Variants in SLC6A13 observed in about 807,000 individuals in gnomAD.
SLC6A13 encodes sodium- and chloride-dependent GABA transporter 2.
SLC6A13 carries 69 observed loss-of-function variants against 72.9 expected under a neutral mutation model. The observed-to-expected ratio is 0.95, with a 90% CI of 0.78 to 1.16. The LOEUF is 1.16. SLC6A13 is among the 50% of genes most tolerant of loss of function. The probability of loss-of-function intolerance (pLI) is 0.00; values close to 1 mark genes in which losing one functional copy is unlikely to be tolerated. For missense variants in SLC6A13, 735 were observed against 760.5 expected (o/e 0.97, Z 0.39); for synonymous variants, 303 against 303.0 (o/e 1.00, Z 0.00).
chr12:238,068 C>T, intron 4 of SLC6A13, 58 bp from the exon 5 acceptor site: 1 of 1,587,860 alleles, frequency 6.3e-7, no homozygotes, highest in East Asian at 2.2e-5. Flanking sequence ...GCCTATGACA[C>T]AACTGGAGAG....
intron 6 of SLC6A13, among the ~76,000 whole-genome samples, chr12:235,670 T>G (rs1203336786): frequency 1.3e-5 from 2 of 152,034 alleles, no homozygotes; most frequent in Admixed American, 1.3e-4. Context: ...TACTAGCGAT[T>G]TTTAGGGAAC....
intron 13 of SLC6A13, 68 bp downstream of exon 13, chr12:222,463 GC>G (rs1298933396): frequency 2.5e-5 from 23 of 920,558 alleles, no homozygotes; most frequent in Non-Finnish European, 3.2e-5. Context: ...AGGGCTAACG[GC>G]TTCTCTACCC....
At chr12:224,944 A>T (rs1941379038) in intron 9 of SLC6A13, among the ~76,000 whole-genome samples, 1 of 152,190 alleles carries the variant, frequency 6.6e-6, no homozygotes, top group Non-Finnish European at 1.5e-5. Context: ...GCTCCTCGCG[A>T]TGTTCCGTTG....
intron 3 of SLC6A13, 47 bp from the exon 4 acceptor site, chr12:242,801 G>A (rs1267475159): frequency 6.5e-7 from 1 of 1,540,424 alleles, no homozygotes; most frequent in Non-Finnish European, 8.8e-7. Context: ...GACAGCGGTG[G>A]CGTGCACCTG....
rs185851494 is a variant in SLC6A13, at chr12:261,697, G to A, written c.-6+1092C>T. Among the ~76,000 whole-genome samples the A allele has an allele frequency of 1.4e-4, 22 of 152,296 alleles. 1 individual carries two copies. In the East Asian group the frequency reaches 3.7e-3, roughly 25 times the overall value. On this transcript the variant is annotated intron_variant, in intron 1 of 14. Transcript: ENST00000343164. ...ATCCCAGCACTTGGGAGGCCGAGGC[G>A]GGTGGATCTCCTGAGGTCAGGAGTT...
At chr12:232,983 G>A (rs1173443270) in intron 7 of SLC6A13, among the ~76,000 whole-genome samples, 9 of 151,550 alleles carry the variant, frequency 5.9e-5, no homozygotes, top group Admixed American at 2.6e-4. Flanking sequence ...TGTGCCTGTC[G>A]CCTCTCTTGC....
rs750337001 is a variant in SLC6A13, at chr12:238,304, G to T, written c.479-294C>A. 73 of 1,397,610 alleles carry T rather than the reference G, an allele frequency of 5.2e-5. 2 individuals are homozygous for T. The South Asian group carries it at 8.4e-4, about 16-fold the overall frequency. 86.6% of individuals were successfully genotyped at this position (1,397,610 alleles called of 1,614,324 possible). ...CTTCAGGTCAGCTGCTTCAAGGCAT[G>T]CTAACATTTCTATGTAAGCGTCCTG... On this transcript the variant is annotated intron_variant, in intron 4 of 14. Coordinates refer to ENST00000343164, the MANE Select transcript of SLC6A13 (RefSeq NM_016615.5).
intron 2 of SLC6A13, among the ~76,000 whole-genome samples, chr12:248,726 G>C (rs1942442717): frequency 2.0e-5 from 3 of 152,136 alleles, no homozygotes; most frequent in Non-Finnish European, 1.5e-5. Context: ...TATAGAATAA[G>C]TATACAGAAA....
chr12:221,913 A>C (rs544876288), intron 13 of SLC6A13, among the ~76,000 whole-genome samples: 1 of 152,202 alleles, frequency 6.6e-6, no homozygotes, highest in Non-Finnish European at 1.5e-5. Context: ...TCTGCTCCTC[A>C]GTTATATCTG....
intron 6 of SLC6A13, among the ~76,000 whole-genome samples, chr12:235,432 C>A (rs1941893042): frequency 6.6e-6 from 1 of 152,132 alleles, no homozygotes; most frequent in South Asian, 2.1e-4. Flanking sequence ...GGCAGAGGAA[C>A]ATTAATTGTG....
chr12:243,026 T>G (rs1422816694), intron 3 of SLC6A13, among the ~76,000 whole-genome samples: 4 of 151,918 alleles, frequency 2.6e-5, no homozygotes, highest in Non-Finnish European at 5.9e-5. Context: ...TTTTTTTTTT[T>G]GAGATGGAGT....
Position 222,519 on chromosome 12 carries a change from G to A in SLC6A13, c.1515+13C>T, listed in dbSNP as rs1414808273. The A allele has an allele frequency of 1.3e-6, 2 of 1,562,560 alleles. No homozygotes were observed. Among genetic ancestry groups the A allele is most frequent in the South Asian group, 2.3e-5 (2 of 87,204 alleles). On this transcript the variant is annotated intron_variant, in intron 13 of 14. Coordinates refer to ENST00000343164, the MANE Select transcript of SLC6A13 (RefSeq NM_016615.5). ...CCTCCCTTCATCTGACTTTATCCCT[G>A]AAATGATCTTACTGTGCACACAGCT... is the stretch of plus-strand genomic sequence containing the variant.
intron 13 of SLC6A13, 98 bp from the exon 14 acceptor site, chr12:221,644 G>A (rs1011729303): frequency 2.5e-6 from 2 of 791,014 alleles, no homozygotes; most frequent in African/African-American, 1.7e-5. Context: ...CACCCTCCAA[G>A]CCTGGATTCC....
In SLC6A13 at chr12:231,525, C is replaced by G. The variant is rs534504512; in HGVS notation, c.831+3565G>C. 2.0e-5 allele frequency among the ~76,000 whole-genome samples: 3 copies of G among 152,262 alleles called. No individual in the cohort carries two copies. In the East Asian group the frequency reaches 5.8e-4, roughly 29 times the overall value. On this transcript the variant is annotated intron_variant, in intron 7 of 14. Transcript: ENST00000343164. ...TTGTTCACTGACAACAAAGGCCTAG[C>G]TTCAGCATGAGACTTGGACCAGGCA...
At chr12:227,302 T>G (rs937493324) in intron 8 of SLC6A13, among the ~76,000 whole-genome samples, 1 of 152,148 alleles carries the variant, frequency 6.6e-6, no homozygotes, top group Admixed American at 6.5e-5. Flanking sequence ...CCCACTAACC[T>G]CTACATCAGC....
At chr12:233,085 C>T (rs185297251) in intron 7 of SLC6A13, among the ~76,000 whole-genome samples, 2 of 152,344 alleles carry the variant, frequency 1.3e-5, no homozygotes, top group African/African-American at 4.8e-5. Flanking sequence ...TGCTGGGAGC[C>T]ACCCGCCCTT....
At chr12:255,305 G>C (rs1194974905) in intron 2 of SLC6A13, among the ~76,000 whole-genome samples, 4 of 152,096 alleles carry the variant, frequency 2.6e-5, no homozygotes, top group Non-Finnish European at 5.9e-5. Flanking sequence ...GGAAATTAAG[G>C]ATGACTCCAA....
At chr12:260,098 C>T in intron 1 of SLC6A13, 41 bp from the exon 2 acceptor site, 2 of 1,585,526 alleles carry the variant, frequency 1.3e-6, no homozygotes, top group African/African-American at 2.7e-5. Flanking sequence ...TTGGGAACCC[C>T]AGAAGGAAAC....
chr12:223,323 G>A (rs1941296578), intron 11 of SLC6A13, 89 bp from the exon 12 acceptor site: 1 of 736,396 alleles, frequency 1.4e-6, no homozygotes, highest in Non-Finnish European at 2.3e-6. Context: ...ACACGGTGGA[G>A]GCACAGAGCA....
Sources: gnomAD v4.1 joint callset for allele counts (sites outside exome capture counted in the v4.1 genomes callset) on GRCh38, gnomAD v4.1.1 for gene constraint, MANE v1.5 for transcripts, NCBI Gene and HGNC (gene_info 2026-07-23, HGNC 2026-07-21) for gene names.